Variants in CDCP1 observed in about 807,000 individuals in gnomAD.
CDCP1 encodes CUB domain-containing protein 1.
In CDCP1, 29 loss-of-function variants were observed where a neutral mutation model predicts 60.2. That is an observed-to-expected ratio of 0.48 (90% CI 0.36 to 0.66). CDCP1 has a LOEUF of 0.66. Ranked by LOEUF, CDCP1 falls within the 30% of genes least tolerant of loss-of-function variation. The pLI is 0.00. For synonymous variants in CDCP1, 387 were observed against 431.1 expected (o/e 0.90, Z 1.27); for missense variants, 876 against 1,074.3 (o/e 0.82, Z 2.58).
At chr3:45,142,078 C>T (rs901641815) in intron 1 of CDCP1, among the ~76,000 whole-genome samples, 1 of 152,122 alleles carries the variant, frequency 6.6e-6, no homozygotes, top group African/African-American at 2.4e-5. Context: ...TGTGATCTGC[C>T]CCCCTCAGCA....
chr3:45,108,371 A>AC (rs1484956548), intron 4 of CDCP1, among the ~76,000 whole-genome samples: 1 of 152,006 alleles, frequency 6.6e-6, no homozygotes, highest in Non-Finnish European at 1.5e-5. Context: ...ACTGCTAAAC[A>AC]CCTCTCAACG....
At chr3:45,137,733 T>C (rs1001601336) in intron 1 of CDCP1, among the ~76,000 whole-genome samples, 3 of 150,636 alleles carry the variant, frequency 2.0e-5, no homozygotes, top group Non-Finnish European at 2.9e-5. Context: ...GGTAGCAGAA[T>C]TGCCGGAACC....
At chr3:45,131,183 A>C (rs1338292065) in intron 1 of CDCP1, among the ~76,000 whole-genome samples, 3 of 152,042 alleles carry the variant, frequency 2.0e-5, no homozygotes, top group East Asian at 3.9e-4. Context: ...TCTTTAAAAA[A>C]ATTTTTTTTA....
chr3:45,091,159 C>T lies in CDCP1; in HGVS notation c.1993+14G>A. The T allele has an allele frequency of 6.2e-7, 1 of 1,602,988 alleles. No homozygotes were observed. The highest frequency in any genetic ancestry group is 1.1e-5 in the South Asian group (1 of 90,778). On this transcript the variant is annotated intron_variant, in intron 7 of 8. Coordinates refer to ENST00000296129, the MANE Select transcript of CDCP1 (RefSeq NM_022842.5). This position sits in a 1 kb window ranked among gnomAD's most constrained non-coding sequence, Gnocchi z 4.8. ...TTGTTCATCACTGTCCCCAAAGACC[C>T]TGAAGGCCCTTACCCACAGTCCTTG... is the stretch of plus-strand genomic sequence containing the variant.
chr3:45,098,224 A>T (rs886098912), intron 4 of CDCP1, among the ~76,000 whole-genome samples: 3 of 151,720 alleles, frequency 2.0e-5, no homozygotes, highest in Non-Finnish European at 4.4e-5. Context: ...TGGGGGACAA[A>T]GTCCCACCCT....
At chr3:45,107,391 A>G (rs1246882589) in intron 4 of CDCP1, among the ~76,000 whole-genome samples, 1 of 151,876 alleles carries the variant, frequency 6.6e-6, no homozygotes, top group Non-Finnish European at 1.5e-5. Flanking sequence ...TATTTTTAGT[A>G]GAGATGGGGT....
Position 45,093,260 on chromosome 3 carries a change from G to A in CDCP1, c.1627+17C>T, listed in dbSNP as rs760232541. 8 of 1,607,774 alleles carry A rather than the reference G, an allele frequency of 5.0e-6. No homozygotes were observed. Among genetic ancestry groups the A allele is most frequent in the Non-Finnish European group, 6.8e-6 (8 of 1,175,976 alleles). On this transcript the variant is annotated intron_variant, in intron 6 of 8. Coordinates refer to ENST00000296129, the MANE Select transcript of CDCP1 (RefSeq NM_022842.5). ...CTTAAACTAAAGGGGCATGGAGATA[G>A]GGGAGACCCCCCTTACCTTTGAAAT...
intron 8 of CDCP1, among the ~76,000 whole-genome samples, chr3:45,088,378 C>T (rs186152432): frequency 3.3e-5 from 5 of 152,108 alleles, no homozygotes; most frequent in African/African-American, 7.2e-5. Flanking sequence ...CCCAGTTACT[C>T]GGGAGGCTGA....
At position 45,089,085 on chromosome 3, in the gene CDCP1, G is replaced by A; in HGVS notation, c.2050C>T (p.Leu684Phe). ...VGGGVLLLSA[L>F]GLIICCVKKK... The stretch of plus-strand genomic sequence containing the variant: ...TTCACACAGCAAATGATGAGCCCGA[G>A]GGCAGACAGCAGTAAGACTCCACCT... The change falls in exon 8 of 9, where the codon CTC (leucine) becomes TTC (phenylalanine). Residue 684 changes from leucine to phenylalanine, a missense_variant. Around this residue, in one of 2 missense-constraint regions of CDCP1, gnomAD observed 726 missense variants for 935.7 expected, o/e 0.78. Transcript: ENST00000296129. 5.0e-6 allele frequency: 8 copies of A among 1,614,106 alleles called. No homozygotes were observed. Among genetic ancestry groups the A allele is most frequent in the Non-Finnish European group, 6.8e-6 (8 of 1,179,996 alleles).
intron 2 of CDCP1, among the ~76,000 whole-genome samples, chr3:45,117,137 G>A (rs1199148933): frequency 6.6e-6 from 1 of 151,964 alleles, no homozygotes; most frequent in Non-Finnish European, 1.5e-5. Context: ...TCTTCCTAAG[G>A]TATGGCTTTG....
intron 1 of CDCP1, among the ~76,000 whole-genome samples, chr3:45,123,648 A>G (rs936006826): frequency 1.1e-4 from 16 of 152,126 alleles, no homozygotes; most frequent in African/African-American, 3.4e-4. Context: ...GACCCCCACC[A>G]ATTCTGCCAC....
rs777920511 is a variant in CDCP1, at chr3:45,118,597, C to T, written c.107G>A (p.Arg36Gln). 1.4e-5 allele frequency: 22 copies of T among 1,613,778 alleles called. No homozygotes were observed. Among genetic ancestry groups the T allele is most frequent in the African/African-American group, 8.0e-5 (6 of 74,882 alleles). The change falls in exon 2 of 9, where the codon CGA becomes CAA. Residue 36 changes from arginine to glutamine, a missense_variant. By Grantham distance (43) the Arg-to-Gln change is conservative. Around this residue, in one of 2 missense-constraint regions of CDCP1, gnomAD observed 150 missense variants for 138.6 expected, o/e 1.08. Coordinates refer to ENST00000296129, the MANE Select transcript of CDCP1 (RefSeq NM_022842.5). ...GAEAFEIALP[R>Q]ESNITVLIKL... The stretch of plus-strand genomic sequence containing the variant: ...TATGAGAACTGTAATGTTGCTTTCT[C>T]GTGGCAGAGCAATCTCAAAAGCTTC...
Position 45,112,363 on chromosome 3 carries a change from G to A in CDCP1, c.375C>T (p.Phe125=), listed in dbSNP as rs865805245. The A allele has an allele frequency of 1.9e-6, 3 of 1,614,252 alleles. No homozygotes were observed. Among genetic ancestry groups the A allele is most frequent in the Non-Finnish European group, 8.5e-7 (1 of 1,180,046 alleles). The change falls in exon 3 of 9, where the codon TTC becomes TTT. Residue 125 remains phenylalanine, a synonymous_variant. Coordinates refer to ENST00000296129, the MANE Select transcript of CDCP1 (RefSeq NM_022842.5). Reference sequence around the variant, plus strand: ...TCTTATGAGCTTTGACATCCCAGATGAAAGTTCTGTTGAGGGTAGGCAACA... The same window carrying A: ...TCTTATGAGCTTTGACATCCCAGATAAAAGTTCTGTTGAGGGTAGGCAACA... ...TSLLPTLNRT[F]IWDVKAHKSI... is the part of the protein sequence containing the mutation.
intron 1 of CDCP1, among the ~76,000 whole-genome samples, chr3:45,144,560 C>T (rs766099416): frequency 2.0e-5 from 3 of 152,142 alleles, no homozygotes; most frequent in South Asian, 2.1e-4. Flanking sequence ...GTTACTGGAC[C>T]AAAATGGCAG....
At chr3:45,103,756 C>G (rs1698520858) in intron 4 of CDCP1, among the ~76,000 whole-genome samples, 1 of 152,230 alleles carries the variant, frequency 6.6e-6, no homozygotes, top group Non-Finnish European at 1.5e-5. Flanking sequence ...GCCCGTTTCC[C>G]TTGCCACTCC....
chr3:45,085,908 T>C lies in CDCP1; in HGVS notation c.2241A>G (p.Leu747=), dbSNP rs369869225. Residue 747 remains leucine, a synonymous_variant, in exon 9 of 9, where the codon CTA becomes CTG. Transcript: ENST00000296129. This position sits in a 1 kb window ranked among gnomAD's most constrained non-coding sequence, Gnocchi z 4.2. ...GCAGGAAGGAGCCGCTGGAATCCTG[T>C]AGCAGATGCCCATATACCATGGTGT... ...IEDTMVYGHL[L]QDSSGSFLQP... is the part of the protein sequence containing the mutation. 6 of 1,614,080 alleles carry C rather than the reference T, an allele frequency of 3.7e-6. No homozygotes were observed. The highest frequency in any genetic ancestry group is 5.1e-6 in the Non-Finnish European group (6 of 1,180,044).
rs1172170980 is a variant in CDCP1, at chr3:45,108,868, T to C, written c.1024+1605A>G. On this transcript the variant is annotated intron_variant, in intron 4 of 8. Coordinates refer to ENST00000296129, the MANE Select transcript of CDCP1 (RefSeq NM_022842.5). The stretch of plus-strand genomic sequence containing the variant: ...GCATGTATACATATATATGCATGTA[T>C]ATATATATATGCATGTATACATATA... Among the ~76,000 whole-genome samples, 5 of 62,616 alleles carry C rather than the reference T, an allele frequency of 8.0e-5. 2 individuals carry two copies. The highest frequency in any genetic ancestry group is 6.4e-5 in the Non-Finnish European group (2 of 31,218). 41.1% of individuals were successfully genotyped at this position (62,616 alleles called of 152,430 possible).
chr3:45,139,333 A>T (rs952242655), intron 1 of CDCP1: 2 of 152,296 alleles, frequency 1.3e-5, no homozygotes, highest in African/African-American at 4.8e-5. Context: ...CTACAGGTTA[A>T]GCAACTTGCC....
chr3:45,113,828 A>G (rs1252969643), intron 2 of CDCP1, among the ~76,000 whole-genome samples: 1 of 152,232 alleles, frequency 6.6e-6, no homozygotes, highest in African/African-American at 2.4e-5. Context: ...TTTGCGTGTT[A>G]GTAAAGGTAG....
Sources: allele counts gnomAD v4.1 joint callset (sites outside exome capture counted in the v4.1 genomes callset), GRCh38; gene constraint gnomAD v4.1.1; regional missense constraint gnomAD v4.1.1; non-coding constraint Gnocchi (gnomAD v3.1); transcripts MANE v1.5; gene names NCBI Gene and HGNC (gene_info 2026-07-23, HGNC 2026-07-21).